Variants in CENPF observed in about 807,000 individuals in gnomAD.
CENPF encodes AH antigen.
In CENPF, 214 loss-of-function variants were observed where a neutral mutation model predicts 307.3. The observed-to-expected ratio is 0.70, with a 90% CI of 0.62 to 0.78. The LOEUF (loss-of-function observed/expected upper bound fraction) is 0.78. CENPF is among the 30% of genes least tolerant of loss of function. CENPF has a pLI of 0.00. For synonymous variants in CENPF, 1,259 were observed against 1,270.6 expected, an observed-to-expected ratio of 0.99 and a Z score of 0.19; for missense variants, 3,401 against 3,483.9, an observed-to-expected ratio of 0.98 and a Z score of 0.60.
chr1:214,622,067 TTG>T lies in CENPF; in HGVS notation c.866-9_866-8del, dbSNP rs1657520302. ...ATATGAATTGGAGTGTGATTTTTGTTTGTGGTTCAAGAGCTAAGAAACAAGAT... is the reference window on the plus strand; with the variant it reads ...ATATGAATTGGAGTGTGATTTTTGTTTGGTTCAAGAGCTAAGAAACAAGAT... On this transcript the variant is annotated splice_polypyrimidine_tract_variant and intron_variant, in intron 6 of 19. Coordinates refer to ENST00000366955, the MANE Select transcript of CENPF (RefSeq NM_016343.4). 6.2e-7 allele frequency: 1 copy of T among 1,605,018 alleles called. No individual in the cohort carries two copies. Among genetic ancestry groups the T allele is most frequent in the Admixed American group, 1.7e-5 (1 of 58,516 alleles).
chr1:214,661,118 G>A (rs910710752), intron 19 of CENPF, among the ~76,000 whole-genome samples: 1 of 152,214 alleles, frequency 6.6e-6, no homozygotes, highest in African/African-American at 2.4e-5. Flanking sequence ...CACTGCTGTT[G>A]AATCTGCTGA....
intron 7 of CENPF, among the ~76,000 whole-genome samples, chr1:214,627,799 TC>T (rs1462314275): frequency 1.3e-5 from 2 of 152,238 alleles, no homozygotes; most frequent in African/African-American, 4.8e-5. Context: ...GGATAGTATG[TC>T]CTTGTCAAAT....
chr1:214,631,597 T>C (rs1657810187), intron 9 of CENPF, among the ~76,000 whole-genome samples: 1 of 152,230 alleles, frequency 6.6e-6, no homozygotes, highest in Non-Finnish European at 1.5e-5. Flanking sequence ...CCTCCCGGGT[T>C]TGAGTGATTC....
rs767901194 is a variant in CENPF, at chr1:214,645,283, A to AGTAG, written c.5715_5718dup (p.Ile1907Ter). On this transcript the variant is annotated frameshift_variant, in exon 13 of 20. Transcript: ENST00000366955. LOFTEE classifies it high-confidence loss of function. ...ATTTCTTGATGTGGAAAATGAGCTG[A>AGTAG]GTAGGATCAGATCGGAGAAAGCTAG... The AGTAG allele has an allele frequency of 4.2e-5, 67 of 1,614,054 alleles. No homozygotes were observed. The highest frequency in any genetic ancestry group is 5.0e-5 in the Admixed American group (3 of 60,002).
At chr1:214,644,436 C>A in intron 12 of CENPF, 121 bp from the exon 13 acceptor site, 1 of 895,518 alleles carries the variant, frequency 1.1e-6, no homozygotes, top group Non-Finnish European at 1.6e-6. Flanking sequence ...AAATTCACCA[C>A]TTTAAGAGAT....
In CENPF at chr1:214,645,610, G is replaced by C. The variant is rs1466698973; in HGVS notation, c.6040G>C (p.Glu2014Gln). 6 of 1,614,034 alleles carry C rather than the reference G, an allele frequency of 3.7e-6. No individual in the cohort carries two copies. In the Admixed American group the frequency reaches 1.0e-4, roughly 27 times the overall value. ...AGAGGCAGAGGTGAAGGAAAAGACG[G>C]AACTCCTTCAGACTTTGTCCTCTGA... ...VAEAEVKEKT[E>Q]LLQTLSSDVS... The change falls in exon 13 of 20, where the codon GAA (glutamate) becomes CAA (glutamine). Residue 2014 changes from glutamate to glutamine, a missense_variant. Glu to Gln is a conservative substitution (Grantham distance 29). Coordinates refer to ENST00000366955, the MANE Select transcript of CENPF (RefSeq NM_016343.4).
intron 16 of CENPF, 188 bp from the exon 17 acceptor site, chr1:214,655,053 T>G: frequency 2.6e-6 from 1 of 386,270 alleles, no homozygotes; most frequent in East Asian, 4.3e-5. Context: ...CAAAACCACA[T>G]TGTCAGTTGG....
rs1334483354 is a variant in CENPF at position 214,622,139 on chromosome 1, A to C, written c.926A>C (p.Lys309Thr). Residue 309 changes from lysine (K) to threonine (T), a missense_variant, in exon 7 of 20, where the codon AAA (lysine) becomes ACA (threonine). Coordinates refer to ENST00000366955, the MANE Select transcript of CENPF (RefSeq NM_016343.4). ...LRLQGHEKEMKGQVNKFQELQ... is the reference protein window; with the variant it reads ...LRLQGHEKEMTGQVNKFQELQ... ...CTGCAAGGACATGAAAAAGAAATGA[A>C]AGGCCAAGTGAATAAGTTTCAAGAA... is the stretch of plus-strand genomic sequence containing the variant. The C allele has an allele frequency of 1.9e-6, 3 of 1,614,002 alleles. No homozygotes were observed. Among genetic ancestry groups the C allele is most frequent in the Non-Finnish European group, 2.5e-6 (3 of 1,179,920 alleles).
intron 14 of CENPF, among the ~76,000 whole-genome samples, chr1:214,649,178 G>T (rs1180738901): frequency 2.0e-5 from 3 of 152,130 alleles, no homozygotes; most frequent in African/African-American, 7.2e-5. Context: ...CAGATTACAG[G>T]GTGGAATGTT....
At chr1:214,652,588 C>T (rs908605893) in intron 15 of CENPF, among the ~76,000 whole-genome samples, 3 of 149,762 alleles carry the variant, frequency 2.0e-5, no homozygotes, top group African/African-American at 7.4e-5. Flanking sequence ...GGATTATAGG[C>T]GCCTGCCACC....
chr1:214,639,124 G>T (rs1658038495), intron 11 of CENPF, among the ~76,000 whole-genome samples: 1 of 152,228 alleles, frequency 6.6e-6, no homozygotes, highest in Non-Finnish European at 1.5e-5. Flanking sequence ...ATCATCTACT[G>T]TGGAGGTTCT....
Position 214,632,553 on chromosome 1 carries a change from C to CT in CENPF, c.1397_1398insT (p.Phe467ValfsTer10). ...CAAAAGTTGTGCAGAGCTGAACAGG[C>CT]GTTCCAGGCGAGTCAGATCAAGGAG... On this transcript the variant is annotated frameshift_variant, in exon 10 of 20. Transcript: ENST00000366955. LOFTEE classifies it high-confidence loss of function. The CT allele has an allele frequency of 6.2e-7, 1 of 1,613,966 alleles. No homozygotes were observed. Among genetic ancestry groups the CT allele is most frequent in the Admixed American group, 1.7e-5 (1 of 59,990 alleles).
At chr1:214,620,002 A>G (rs1657461754) in intron 5 of CENPF, among the ~76,000 whole-genome samples, 1 of 152,128 alleles carries the variant, frequency 6.6e-6, no homozygotes, top group South Asian at 2.1e-4. Context: ...TGTTTTATGG[A>G]AAATTTGAGT....
chr1:214,631,595 G>A (rs1005792579), intron 9 of CENPF, among the ~76,000 whole-genome samples: 2 of 152,212 alleles, frequency 1.3e-5, no homozygotes, highest in African/African-American at 4.8e-5. Flanking sequence ...ATCCTCCCGG[G>A]TTTGAGTGAT....
In CENPF at chr1:214,620,730, T is replaced by A; in HGVS notation, c.649T>A (p.Phe217Ile). 2 of 1,614,180 alleles carry A rather than the reference T, an allele frequency of 1.2e-6. No homozygotes were observed. Among genetic ancestry groups the A allele is most frequent in the Non-Finnish European group, 1.7e-6 (2 of 1,180,018 alleles). ...CCGGCATCAGGCTTCATCATCTGTGTTCTCATGGCAGCAAGAGAAGACCCC... is the reference window on the plus strand; with the variant it reads ...CCGGCATCAGGCTTCATCATCTGTGATCTCATGGCAGCAAGAGAAGACCCC... ...IARHQASSSV[F>I]SWQQEKTPSH... Residue 217 changes from phenylalanine (F) to isoleucine (I), a missense_variant, in exon 6 of 20, where the codon TTC (phenylalanine) becomes ATC (isoleucine). Phe to Ile is a conservative substitution (Grantham distance 21). Transcript: ENST00000366955.
chr1:214,657,076 G>A lies in CENPF; in HGVS notation c.8629G>A (p.Ala2877Thr), dbSNP rs890140820. 4.3e-6 allele frequency: 7 copies of A among 1,614,174 alleles called. No individual in the cohort carries two copies. Among genetic ancestry groups the A allele is most frequent in the South Asian group, 3.3e-5 (3 of 91,088 alleles). ...LLISHEKLEKAKEMLETQVAH... is the reference protein window; with the variant it reads ...LLISHEKLEKTKEMLETQVAH... The stretch of plus-strand genomic sequence containing the variant: ...TATAAGCCATGAAAAGTTAGAGAAA[G>A]CTAAAGAGATGTTAGAGACACAAGT... Residue 2877 changes from alanine to threonine, a missense_variant, in exon 18 of 20, where the codon GCT becomes ACT. Transcript: ENST00000366955.
chr1:214,618,193 C>T (rs757805745), intron 3 of CENPF, among the ~76,000 whole-genome samples: 2 of 152,134 alleles, frequency 1.3e-5, no homozygotes, highest in African/African-American at 4.8e-5. Context: ...CACCTCTCAC[C>T]GGGTCCCCAC....
intron 19 of CENPF, among the ~76,000 whole-genome samples, chr1:214,661,422 T>G (rs1448032477): frequency 6.6e-6 from 1 of 152,196 alleles, no homozygotes; most frequent in Non-Finnish European, 1.5e-5. Flanking sequence ...GAATGAGGTA[T>G]TATTTCCCAA....
rs752309258 is a variant in CENPF at position 214,663,649 on chromosome 1, C to T, written c.9200C>T (p.Thr3067Met). 32 of 1,614,092 alleles carry T rather than the reference C, an allele frequency of 2.0e-5. No individual in the cohort carries two copies. The highest frequency in any genetic ancestry group is 1.6e-4 in the Middle Eastern group (1 of 6,062). Residue 3067 changes from threonine (T) to methionine (M), a missense_variant, in exon 20 of 20, where the codon ACG (threonine) becomes ATG (methionine). Thr to Met is a moderately conservative substitution (Grantham distance 81). Transcript: ENST00000366955. ...GGCACCATCCTCCGAGAACCCACCA[C>T]GAAATCCGTCCCAGTCAATAATCTT... ...DSGTILREPT[T>M]KSVPVNNLPE...
Sources: gnomAD v4.1 joint callset for allele counts (sites outside exome capture counted in the v4.1 genomes callset) on GRCh38, gnomAD v4.1.1 for gene constraint, MANE v1.5 for transcripts, NCBI Gene and HGNC (gene_info 2026-07-23, HGNC 2026-07-21) for gene names.